Variants in PTPN23 observed in about 807,000 individuals in gnomAD.
PTPN23 encodes protein tyrosine phosphatase non-receptor type 23.
PTPN23 carries 72 observed loss-of-function variants against 156.3 expected under a neutral mutation model. The observed-to-expected ratio is 0.46, with a 90% CI of 0.38 to 0.56. PTPN23 has a LOEUF of 0.56. Among genes scored for constraint, PTPN23 ranks in the 20% least tolerant of loss-of-function variants. The pLI, the probability that PTPN23 is intolerant of heterozygous loss-of-function variation, is 0.00. For missense variants in PTPN23, 1,974 were observed against 2,171.5 expected (o/e 0.91, Z 1.81); for synonymous variants, 957 against 899.6 (o/e 1.06, Z -1.14).
rs1705382696 is a variant in PTPN23 at position 47,413,378 on chromosome 3, T to C, written c.*193T>C. ...CTCTGGGTCAGGTTCTGCTCCTTTA[T>C]GGGACCCGACATTTTTCAGCTCTTT... is the stretch of plus-strand genomic sequence containing the variant. On this transcript the variant is annotated 3_prime_UTR_variant, in exon 25 of 25. Transcript: ENST00000265562. The C allele has an allele frequency of 4.3e-6, 3 of 697,634 alleles. No individual in the cohort carries two copies. Among genetic ancestry groups the C allele is most frequent in the South Asian group, 4.6e-5 (2 of 43,732 alleles). 43.2% of individuals were successfully genotyped at this position (697,634 alleles called of 1,614,324 possible). A position where few individuals can be genotyped will look rare whatever the true frequency, so the allele number is the denominator to read the frequency against.
chr3:47,412,970 G>A lies in PTPN23; in HGVS notation c.4696G>A (p.Glu1566Lys), dbSNP rs1705364099. The stretch of plus-strand genomic sequence containing the variant: ...GCCTAAGGAGGAGCCGCCAGTGCCT[G>A]AAGCCCCCAGCTCGGGGCCCCCCTC... ...PQPKEEPPVP[E>K]APSSGPPSSS... Residue 1566 changes from glutamate (E) to lysine (K), a missense_variant, in exon 25 of 25, where the codon GAA (glutamate) becomes AAA (lysine). Glu to Lys is a moderately conservative substitution (Grantham distance 56, BLOSUM62 1). Coordinates refer to ENST00000265562, the MANE Select transcript of PTPN23 (RefSeq NM_015466.4). 1 of 1,599,542 alleles carries A rather than the reference G, an allele frequency of 6.3e-7. No homozygotes were observed. Among genetic ancestry groups the A allele is most frequent in the Non-Finnish European group, 8.5e-7 (1 of 1,173,330 alleles).
chr3:47,405,753 G>T lies in PTPN23; in HGVS notation c.369G>T (p.Ala123=). The change falls in exon 5 of 25, where the codon GCG becomes GCT. Residue 123 remains alanine (A), a synonymous_variant. Coordinates refer to ENST00000265562, the MANE Select transcript of PTPN23 (RefSeq NM_015466.4). This position sits in a 1 kb window ranked among gnomAD's most constrained non-coding sequence, Gnocchi z 4.7. ...CACTGTCCCCTCCCTCCCCAGGAGC[G>T]CTGCACTCCATGCTGGGGGCCATGG... ...EQACILYNLG[A]LHSMLGAMDK... The T allele has an allele frequency of 6.3e-7, 1 of 1,599,686 alleles. No individual in the cohort carries two copies. The highest frequency in any genetic ancestry group is 8.5e-7 in the Non-Finnish European group (1 of 1,173,978).
At position 47,405,791 on chromosome 3, in the gene PTPN23, CTGAGGAGG is replaced by C. The variant is rs764566644; in HGVS notation, c.414+1_414+8del. 1 of 1,592,470 alleles carries C rather than the reference CTGAGGAGG, an allele frequency of 6.3e-7. No individual in the cohort carries two copies. Among genetic ancestry groups the C allele is most frequent in the Non-Finnish European group, 8.5e-7 (1 of 1,169,828 alleles). ...CTGGGGGCCATGGACAAGCGGGTGTCTGAGGAGGTGAGGAGAGGGGCAGTAGTGGAACA... is the reference window on the plus strand; with the variant it reads ...CTGGGGGCCATGGACAAGCGGGTGTCTGAGGAGAGGGGCAGTAGTGGAACA... On this transcript the variant is annotated splice_donor_variant and coding_sequence_variant, in exon 5 of 25. Coordinates refer to ENST00000265562, the MANE Select transcript of PTPN23 (RefSeq NM_015466.4). LOFTEE classifies it high-confidence loss of function. The surrounding 1 kb of genome is among the most constrained non-coding windows in gnomAD (Gnocchi z 4.7).
Position 47,406,172 on chromosome 3 carries a change from A to G in PTPN23, c.546+126A>G. The G allele has an allele frequency of 6.7e-7, 1 of 1,496,728 alleles. No homozygotes were observed. Among genetic ancestry groups the G allele is most frequent in the East Asian group, 2.4e-5 (1 of 41,198 alleles). 92.7% of individuals were successfully genotyped at this position (1,496,728 alleles called of 1,614,324 possible). Reference sequence around the variant, plus strand: ...AAGCAAGGGGCCTTGGCTTTGTTGAATCAGGAGCACCGTGGTGCTGCTTGG... The same window carrying G: ...AAGCAAGGGGCCTTGGCTTTGTTGAGTCAGGAGCACCGTGGTGCTGCTTGG... On this transcript the variant is annotated intron_variant, in intron 6 of 24. Transcript: ENST00000265562. This position sits in a 1 kb window ranked among gnomAD's most constrained non-coding sequence, Gnocchi z 5.8.
intron 18 of PTPN23, 27 bp from the exon 19 acceptor site, chr3:47,409,628 C>G (rs748790830): frequency 6.2e-7 from 1 of 1,612,624 alleles, no homozygotes; most frequent in East Asian, 2.2e-5. Context: ...CCATGGTTCA[C>G]CTGGAGCTGG....
rs779907320 is a variant in PTPN23, at chr3:47,412,963, A to G, written c.4689A>G (p.Pro1563=). The G allele has an allele frequency of 7.8e-7, 1 of 1,278,668 alleles. No individual in the cohort carries two copies. Among genetic ancestry groups the G allele is most frequent in the South Asian group, 1.3e-5 (1 of 78,212 alleles). 79.2% of individuals were successfully genotyped at this position (1,278,668 alleles called of 1,614,324 possible). Residue 1563 remains proline, a synonymous_variant, in exon 25 of 25, where the codon CCA becomes CCG. Transcript: ENST00000265562. ...PEAPQPKEEP[P]VPEAPSSGPP... ...CTCCCCAGCCTAAGGAGGAGCCGCC[A>G]GTGCCTGAAGCCCCCAGCTCGGGGC... is the stretch of plus-strand genomic sequence containing the variant.
intron 1 of PTPN23, among the ~76,000 whole-genome samples, chr3:47,389,547 G>A (rs1369101598): frequency 6.6e-6 from 1 of 152,026 alleles, no homozygotes; most frequent in Non-Finnish European, 1.5e-5. Context: ...GAAGTCAAGG[G>A]TTCGGGACCA....
intron 1 of PTPN23, among the ~76,000 whole-genome samples, chr3:47,387,666 A>G (rs1355971199): frequency 6.6e-6 from 1 of 152,182 alleles, no homozygotes; most frequent in Non-Finnish European, 1.5e-5. Context: ...AACATAATGT[A>G]ACTGGTGAAT....
At chr3:47,408,239 T>TG in intron 14 of PTPN23, 106 bp from the exon 15 acceptor site, 1 of 1,487,820 alleles carries the variant, frequency 6.7e-7, no homozygotes, top group Non-Finnish European at 9.1e-7. Flanking sequence ...ATTTGCTCTC[T>TG]GCTGAGACCT....
chr3:47,388,589 C>T (rs1002165202), intron 1 of PTPN23, among the ~76,000 whole-genome samples: 1 of 151,672 alleles, frequency 6.6e-6, no homozygotes, highest in Admixed American at 6.6e-5. Context: ...ACAGACAATC[C>T]AATTATACTT....
At chr3:47,381,228 G>A in intron 1 of PTPN23, 48 bp downstream of exon 1, 2 of 1,548,960 alleles carry the variant, frequency 1.3e-6, no homozygotes, top group South Asian at 1.2e-5. Flanking sequence ...TATCTCCGTC[G>A]TCTGCAAGCG....
At chr3:47,398,597 G>A (rs1046827350) in intron 2 of PTPN23, among the ~76,000 whole-genome samples, 1 of 146,076 alleles carries the variant, frequency 6.8e-6, no homozygotes, top group Non-Finnish European at 1.5e-5. Context: ...ACAGGGTTTC[G>A]CTCTGTCGTC....
chr3:47,398,584 G>A (rs1274781039), intron 2 of PTPN23, among the ~76,000 whole-genome samples: 1 of 138,124 alleles, frequency 7.2e-6, no homozygotes, highest in African/African-American at 2.7e-5. Context: ...TTTTTTTCCC[G>A]AGACAGGGTT....
At chr3:47,403,273 C>T (rs568652018) in intron 2 of PTPN23, among the ~76,000 whole-genome samples, 10 of 151,794 alleles carry the variant, frequency 6.6e-5, no homozygotes, top group Admixed American at 4.6e-4. Flanking sequence ...AGGATGGTCT[C>T]GATCTCCTGA....
chr3:47,413,297 C>A lies in PTPN23; in HGVS notation c.*112C>A. ...CAGTCTCTTACTCCCATTTCTGCTG[C>A]CTTTGGCCCTGCCTGGCCCAGCCTG... On this transcript the variant is annotated 3_prime_UTR_variant, in exon 25 of 25. Transcript: ENST00000265562. 6.9e-7 allele frequency: 1 copy of A among 1,441,664 alleles called. No homozygotes were observed. The allele number at this position is 1,441,664 out of a possible 1,614,324, so 89.3% of individuals were successfully genotyped here.
rs758087294 is a variant in PTPN23, at chr3:47,406,391, C to T, written c.613C>T (p.Arg205Cys). The part of the protein sequence containing the change: ...LDNRKSFLVA[R>C]ISAQVVDYYK... ...CAACAGGAAGAGCTTTCTGGTGGCCCGCATCAGTGCACAGGTAGGGACGGG... is the reference window on the plus strand; with the variant it reads ...CAACAGGAAGAGCTTTCTGGTGGCCTGCATCAGTGCACAGGTAGGGACGGG... The change falls in exon 7 of 25, where the codon CGC becomes TGC. Residue 205 changes from arginine (R) to cysteine (C), a missense_variant. Coordinates refer to ENST00000265562, the MANE Select transcript of PTPN23 (RefSeq NM_015466.4). This position sits in a 1 kb window ranked among gnomAD's most constrained non-coding sequence, Gnocchi z 5.8. 1.2e-6 allele frequency: 2 copies of T among 1,613,896 alleles called. No homozygotes were observed. The highest frequency in any genetic ancestry group is 1.1e-5 in the South Asian group (1 of 91,086).
intron 1 of PTPN23, among the ~76,000 whole-genome samples, chr3:47,392,675 A>G (rs546166514): frequency 2.0e-5 from 3 of 152,140 alleles, no homozygotes; most frequent in Non-Finnish European, 4.4e-5. Flanking sequence ...GATTTAATTC[A>G]TGGCTTTTAT....
intron 1 of PTPN23, among the ~76,000 whole-genome samples, chr3:47,394,528 C>G (rs1182130625): frequency 6.6e-6 from 1 of 151,980 alleles, no homozygotes; most frequent in African/African-American, 2.4e-5. Context: ...TTTGTAGAGA[C>G]GGGTCTTGCT....
In PTPN23 at chr3:47,410,724, C is replaced by T. The variant is rs752377343; in HGVS notation, c.2926C>T (p.Leu976Phe). ...AFGPQPPQQP[L>F]PLQHPHLFPP... ...TGGGCCTCAGCCCCCACAGCAGCCC[C>T]TTCCACTCCAGCATCCACATCTCTT... is the stretch of plus-strand genomic sequence containing the variant. The change falls in exon 20 of 25, where the codon CTT becomes TTT. Residue 976 changes from leucine to phenylalanine, a missense_variant. Coordinates refer to ENST00000265562, the MANE Select transcript of PTPN23 (RefSeq NM_015466.4). 2 of 1,583,592 alleles carry T rather than the reference C, an allele frequency of 1.3e-6. No homozygotes were observed. The highest frequency in any genetic ancestry group is 8.6e-7 in the Non-Finnish European group (1 of 1,165,126).
Sources: allele counts gnomAD v4.1 joint callset (sites outside exome capture counted in the v4.1 genomes callset), GRCh38; gene constraint gnomAD v4.1.1; non-coding constraint Gnocchi (gnomAD v3.1); transcripts MANE v1.5; gene names NCBI Gene and HGNC (gene_info 2026-07-23, HGNC 2026-07-21).